CLYBL: variants seen among roughly 807,000 people sequenced by gnomAD.
CLYBL encodes the protein citramalyl-CoA lyase, also known as citramalyl-CoA lyase, mitochondrial.
In CLYBL, 31 loss-of-function variants were observed where a neutral mutation model predicts 38.9. The ratio of observed to expected loss-of-function variants is 0.80; its 90% CI spans 0.60 to 1.08. CLYBL has a LOEUF of 1.08. CLYBL is among the 50% of genes least tolerant of loss of function. The pLI, the probability that CLYBL is intolerant of heterozygous loss-of-function variation, is 0.00. For synonymous variants in CLYBL, 171 were observed against 158.6 expected (o/e 1.08, Z -0.59); for missense variants, 434 against 411.6 (o/e 1.05, Z -0.47).
chr13:99,792,718 A>G (rs907126307), intron 2 of CLYBL, among the ~76,000 whole-genome samples: 2 of 152,022 alleles, frequency 1.3e-5, no homozygotes, highest in African/African-American at 2.4e-5. Context: ...GAGTGCAGCT[A>G]TGACCCCCAC....
chr13:99,879,041 T>C (rs1189093327), intron 7 of CLYBL, among the ~76,000 whole-genome samples: 3 of 152,190 alleles, frequency 2.0e-5, no homozygotes, highest in African/African-American at 7.2e-5. Flanking sequence ...TGCAGATAAC[T>C]GGCACACACA....
chr13:99,789,909 T>C (rs1040626213), intron 2 of CLYBL, among the ~76,000 whole-genome samples: 2 of 152,110 alleles, frequency 1.3e-5, no homozygotes, highest in African/African-American at 2.4e-5. Flanking sequence ...ATATTTAAGA[T>C]AGTTAGTCTT....
intron 1 of CLYBL, among the ~76,000 whole-genome samples, chr13:99,738,030 A>G (rs1449974761): frequency 1.3e-5 from 2 of 152,218 alleles, no homozygotes; most frequent in African/African-American, 2.4e-5. Context: ...TCAAGGGCTT[A>G]ATTGCCTCCG....
At chr13:99,836,003 C>T (rs756352278) in intron 2 of CLYBL, among the ~76,000 whole-genome samples, 1 of 152,102 alleles carries the variant, frequency 6.6e-6, no homozygotes, top group Non-Finnish European at 1.5e-5. Flanking sequence ...GAGGAGCTGT[C>T]ATTAGAGAGG....
At chr13:99,682,468 A>G (rs1030667598) in intron 1 of CLYBL, among the ~76,000 whole-genome samples, 4 of 152,056 alleles carry the variant, frequency 2.6e-5, no homozygotes, top group Admixed American at 6.6e-5. Context: ...ATATCTAAAC[A>G]TATATGAACA....
At chr13:99,764,578 T>C (rs2138751561) in intron 1 of CLYBL, among the ~76,000 whole-genome samples, 1 of 152,324 alleles carries the variant, frequency 6.6e-6, no homozygotes, top group Non-Finnish European at 1.5e-5. Context: ...GTGGTCTCAA[T>C]TGTTATGTCT....
downstream of CLYBL, among the ~76,000 whole-genome samples, chr13:99,901,205 T>C (rs1025151348): frequency 7.9e-5 from 12 of 152,220 alleles, no homozygotes; most frequent in Non-Finnish European, 1.5e-4. Flanking sequence ...CCATCCCCCA[T>C]GGGCACCGTT....
At chr13:99,880,068 A>ATATTTTTTT (rs34063235) in intron 7 of CLYBL, among the ~76,000 whole-genome samples, 2 of 101,188 alleles carry the variant, frequency 2.0e-5, no homozygotes, top group African/African-American at 4.1e-5. Flanking sequence ...ATATATATAT[A>ATATTTTTTT]TTTTTTTTTT....
intron 1 of CLYBL, among the ~76,000 whole-genome samples, chr13:99,665,004 A>C (rs954206075): frequency 6.6e-6 from 1 of 151,914 alleles, no homozygotes; most frequent in South Asian, 2.1e-4. Flanking sequence ...ATAGCAGAAG[A>C]ATGTTTTTCA....
intron 2 of CLYBL, among the ~76,000 whole-genome samples, chr13:99,839,012 T>G (rs1245632321): frequency 6.6e-6 from 1 of 152,246 alleles, no homozygotes; most frequent in African/African-American, 2.4e-5. Flanking sequence ...TTGAGAAGAC[T>G]ACCCTAAAGA....
At chr13:99,847,598 A>G (rs1232850157) in intron 2 of CLYBL, among the ~76,000 whole-genome samples, 1 of 152,226 alleles carries the variant, frequency 6.6e-6, no homozygotes, top group African/African-American at 2.4e-5. Flanking sequence ...GAGTGGGTCC[A>G]CATGCTACCA....
At chr13:99,669,291 C>A (rs781171593) in intron 1 of CLYBL, among the ~76,000 whole-genome samples, 5 of 152,072 alleles carry the variant, frequency 3.3e-5, no homozygotes, top group African/African-American at 1.2e-4. Flanking sequence ...TGTGAGCTGC[C>A]GCGCCCGGCC....
chr13:99,682,309 A>G (rs2047747969), intron 1 of CLYBL, among the ~76,000 whole-genome samples: 1 of 151,908 alleles, frequency 6.6e-6, no homozygotes, highest in South Asian at 2.1e-4. Context: ...ATGCCTGACT[A>G]ATGTTTGTAT....
At chr13:99,805,909 T>C (rs1457303529) in intron 2 of CLYBL, among the ~76,000 whole-genome samples, 1 of 152,228 alleles carries the variant, frequency 6.6e-6, no homozygotes, top group African/African-American at 2.4e-5. Flanking sequence ...ACTTTTTAAA[T>C]TGCTACAGAG....
At chr13:99,607,812 C>G (rs746288936) in intron 1 of CLYBL, among the ~76,000 whole-genome samples, 1 of 151,986 alleles carries the variant, frequency 6.6e-6, no homozygotes, top group African/African-American at 2.4e-5. Context: ...GGTGTAATCT[C>G]GGCTTACTGC....
intron 1 of CLYBL, among the ~76,000 whole-genome samples, chr13:99,717,436 G>GAAAAAAAAAAAAA (rs1172721313): frequency 1.1e-4 from 10 of 91,092 alleles, no homozygotes; most frequent in East Asian, 3.9e-4. Context: ...AAAAAAATTA[G>GAAAAAAAAAAAAA]AAAAAAAAAA....
In CLYBL at chr13:99,606,773, CG is replaced by C; in HGVS notation, c.62+17del. On this transcript the variant is annotated intron_variant, in intron 1 of 8. Coordinates refer to ENST00000339105, the MANE Select transcript of CLYBL (RefSeq NM_206808.5). The stretch of plus-strand genomic sequence containing the variant: ...TGCTGAGGCTGTGAGTGCAGGTCCC[CG>C]TTCCCCGCCTTCCCGGCCCGGCTCG... The C allele has an allele frequency of 1.4e-6, 2 of 1,404,484 alleles. No homozygotes were observed. Among genetic ancestry groups the C allele is most frequent in the Non-Finnish European group, 1.8e-6 (2 of 1,082,072 alleles). The allele number at this position is 1,404,484 out of a possible 1,614,324, so 87.0% of individuals were successfully genotyped here. A position where few individuals can be genotyped will look rare whatever the true frequency, so the allele number is the denominator to read the frequency against.
At chr13:99,646,545 A>C (rs1284650883) in intron 1 of CLYBL, among the ~76,000 whole-genome samples, 4 of 120,892 alleles carry the variant, frequency 3.3e-5, no homozygotes, top group Admixed American at 1.0e-4. Flanking sequence ...ATGGAGTCTC[A>C]CTCTGGCACC....
At chr13:99,751,785 G>A (rs1174649819) in intron 1 of CLYBL, among the ~76,000 whole-genome samples, 1 of 152,140 alleles carries the variant, frequency 6.6e-6, no homozygotes, top group Non-Finnish European at 1.5e-5. Flanking sequence ...TCACTGAACT[G>A]TACACTTGAC....
Sources: gnomAD v4.1 joint callset for allele counts (sites outside exome capture counted in the v4.1 genomes callset) on GRCh38, gnomAD v4.1.1 for gene constraint, MANE v1.5 for transcripts, NCBI Gene and HGNC (gene_info 2026-07-23, HGNC 2026-07-21) for gene names.